ADGRV1: variants seen among roughly 807,000 people sequenced by gnomAD.
ADGRV1 encodes the protein adhesion G protein-coupled receptor V1, also known as G-protein coupled receptor 98.
ADGRV1 carries 359 observed loss-of-function variants against 596.2 expected under a neutral mutation model. The ratio of observed to expected loss-of-function variants is 0.60; its 90% confidence interval spans 0.55 to 0.66. The LOEUF is 0.66. Ranked by LOEUF, ADGRV1 falls within the 30% of genes least tolerant of loss-of-function variation. The probability of loss-of-function intolerance (pLI) is 0.00; values close to 1 mark genes in which losing one functional copy is unlikely to be tolerated. For synonymous variants in ADGRV1, 2,681 were observed against 2,679.2 expected (o/e 1.00, Z -0.02); for missense variants, 7,274 against 7,575.6 (o/e 0.96, Z 1.48).
intron 1 of ADGRV1, among the ~76,000 whole-genome samples, chr5:90,595,738 G>A (rs1324720279): frequency 1.1e-4 from 15 of 141,258 alleles, no homozygotes; most frequent in Admixed American, 6.1e-4. Context: ...AGGGGCGGCC[G>A]GGCAGAGGCG....
intron 83 of ADGRV1, among the ~76,000 whole-genome samples, chr5:90,878,858 G>T (rs977771378): frequency 6.6e-6 from 1 of 152,140 alleles, no homozygotes; most frequent in Non-Finnish European, 1.5e-5. Context: ...CCACTTACAG[G>T]TTACAATTTG....
chr5:90,684,800 A>C (rs2149588788), intron 28 of ADGRV1, among the ~76,000 whole-genome samples: 1 of 152,316 alleles, frequency 6.6e-6, no homozygotes, highest in South Asian at 2.1e-4. Flanking sequence ...GCAGGAGAAC[A>C]CAAACCTTCA....
At chr5:90,652,985 C>CT (rs1355323805) in intron 19 of ADGRV1, among the ~76,000 whole-genome samples, 5 of 152,290 alleles carry the variant, frequency 3.3e-5, no homozygotes, top group Admixed American at 2.0e-4. Flanking sequence ...TTCATATACT[C>CT]TTTTCAGGCT....
At chr5:90,991,398 GTAACTTCA>G (rs1780949870) in intron 85 of ADGRV1, among the ~76,000 whole-genome samples, 1 of 152,130 alleles carries the variant, frequency 6.6e-6, no homozygotes, top group Non-Finnish European at 1.5e-5. Context: ...AAAAAATTGC[GTAACTTCA>G]TAACTTAATT....
At chr5:90,789,892 TA>T (rs1439812411) in intron 69 of ADGRV1, 41 bp downstream of exon 69, 1 of 1,308,306 alleles carries the variant, frequency 7.6e-7, no homozygotes, top group Non-Finnish European at 9.9e-7. Flanking sequence ...CCAGTTTGCC[TA>T]ACAAATGTGG....
intron 1 of ADGRV1, among the ~76,000 whole-genome samples, chr5:90,609,725 A>G (rs994894615): frequency 6.6e-6 from 1 of 152,006 alleles, no homozygotes; most frequent in African/African-American, 2.4e-5. Context: ...TTTCAGTATT[A>G]ATTACCTGGT....
Position 90,654,311 on chromosome 5 carries a change from CA to C in ADGRV1, c.4378+362del, listed in dbSNP as rs1315689789. 2.5e-5 allele frequency: 7 copies of C among 276,130 alleles called. 1 individual carries two copies. The highest frequency in any genetic ancestry group is 2.5e-4 in the South Asian group (6 of 24,488). 17.1% of individuals were successfully genotyped at this position (276,130 alleles called of 1,614,324 possible). On this transcript the variant is annotated intron_variant, in intron 20 of 89. Transcript: ENST00000405460. ...AGTGATATTCCTGCAGAGGAATGAA[CA>C]AAGGAATAGAAATGTGAAACAGCGT...
chr5:90,815,790 T>C, intron 75 of ADGRV1, 54 bp downstream of exon 75: 2 of 1,037,714 alleles, frequency 1.9e-6, no homozygotes, highest in South Asian at 2.8e-5. Flanking sequence ...TCTGTACAAA[T>C]GTAATTTCAA....
intron 1 of ADGRV1, among the ~76,000 whole-genome samples, chr5:90,560,044 A>G (rs955114146): frequency 6.6e-6 from 1 of 152,168 alleles, no homozygotes; most frequent in African/African-American, 2.4e-5. Flanking sequence ...GAGATGTCAA[A>G]TAGACTCTGA....
intron 86 of ADGRV1, among the ~76,000 whole-genome samples, chr5:91,093,151 T>A (rs1356857599): frequency 6.6e-6 from 1 of 152,238 alleles, no homozygotes; most frequent in Non-Finnish European, 1.5e-5. Flanking sequence ...TTATCAGGAC[T>A]TACGGTACAG....
At chr5:91,035,861 T>TATATATATATATAATATATATAATA in intron 85 of ADGRV1, among the ~76,000 whole-genome samples, 5 of 96,402 alleles carry the variant, frequency 5.2e-5, no homozygotes, top group South Asian at 3.5e-4. Context: ...TATATATATA[T>TATATATATATATAATATATATAATA]TATATATATA....
At chr5:90,815,803 C>A in intron 75 of ADGRV1, 67 bp downstream of exon 75, 1 of 939,986 alleles carries the variant, frequency 1.1e-6, no homozygotes, top group Non-Finnish European at 1.7e-6. Flanking sequence ...AATTTCAATT[C>A]ATACAATGGT....
intron 78 of ADGRV1, 32 bp downstream of exon 78, chr5:90,841,017 A>G: frequency 7.1e-7 from 1 of 1,409,084 alleles, no homozygotes; most frequent in African/African-American, 1.4e-5. Flanking sequence ...TAATTTGTTT[A>G]GTGAAATTTT....
At position 90,982,478 on chromosome 5, in the gene ADGRV1, T is replaced by A. The variant is rs139515145; in HGVS notation, c.17974-2866T>A. Among the ~76,000 whole-genome samples, 26 of 152,336 alleles carry A rather than the reference T, an allele frequency of 1.7e-4. No homozygotes were observed. In the East Asian group the frequency reaches 4.8e-3, roughly 28 times the overall value. ...ACATTAATACATCTCATTCAAGTTT[T>A]GGGTGGAAGAAGAAAGAAAAACTAA... On this transcript the variant is annotated intron_variant, in intron 84 of 89. Coordinates refer to ENST00000405460, the MANE Select transcript of ADGRV1 (RefSeq NM_032119.4).
chr5:90,723,634 G>A (rs1751376292), intron 45 of ADGRV1, among the ~76,000 whole-genome samples: 1 of 152,100 alleles, frequency 6.6e-6, no homozygotes, highest in Non-Finnish European at 1.5e-5. Context: ...CTTTAAAAGG[G>A]AGCAACATAA....
At chr5:91,031,344 C>T (rs924828324) in intron 85 of ADGRV1, 1 of 1,264,192 alleles carries the variant, frequency 7.9e-7, no homozygotes, top group Non-Finnish European at 1.2e-6. Flanking sequence ...AATCCCACTC[C>T]AATCTATCTC....
chr5:90,562,530 A>G (rs183677711), intron 1 of ADGRV1, among the ~76,000 whole-genome samples: 1 of 152,220 alleles, frequency 6.6e-6, no homozygotes, highest in African/African-American at 2.4e-5. Context: ...CACACTATAC[A>G]CTTAAAAATG....
chr5:90,569,444 CT>C (rs1756237595), intron 1 of ADGRV1, among the ~76,000 whole-genome samples: 1 of 87,524 alleles, frequency 1.1e-5, no homozygotes, highest in Admixed American at 1.6e-4. Flanking sequence ...CTGTTTGTGG[CT>C]TTGAGTTTAA....
At chr5:90,703,458 G>A (rs1351033044) in intron 34 of ADGRV1, among the ~76,000 whole-genome samples, 1 of 152,008 alleles carries the variant, frequency 6.6e-6, no homozygotes, top group Non-Finnish European at 1.5e-5. Context: ...ATTTCCTCAA[G>A]TTCTACTAAA....
Sources: allele counts gnomAD v4.1 joint callset (sites outside exome capture counted in the v4.1 genomes callset), GRCh38; gene constraint gnomAD v4.1.1; transcripts MANE v1.5; gene names NCBI Gene and HGNC (gene_info 2026-07-23, HGNC 2026-07-21).